Variants in DKK2 observed in about 807,000 individuals in gnomAD.
The protein encoded by DKK2 is dickkopf-related protein 2.
A neutral mutation model predicts 28.1 loss-of-function variants in DKK2; 11 were observed. The ratio of observed to expected loss-of-function variants is 0.39; its 90% confidence interval spans 0.25 to 0.65. DKK2 has a LOEUF of 0.65. Ranked by LOEUF, DKK2 falls within the 30% of genes least tolerant of loss-of-function variation. DKK2 has a pLI of 0.47. For missense variants in DKK2, 326 were observed against 335.5 expected (o/e 0.97, Z 0.22); for synonymous variants, 135 against 126.5 (o/e 1.07, Z -0.45).
chr4:106,927,930 A>C lies in DKK2; in HGVS notation c.223-1981T>G, dbSNP rs947491918. On this transcript the variant is annotated intron_variant, in intron 1 of 3. Coordinates refer to ENST00000285311, the MANE Select transcript of DKK2 (RefSeq NM_014421.3). ...AACATCATGTGCTATTTACAACTCA[A>C]ATAACAAGTCCTCAAGCCATTCTGA... 5.9e-5 allele frequency among the ~76,000 whole-genome samples: 9 copies of C among 152,272 alleles called. 1 individual carries two copies. Among genetic ancestry groups the C allele is most frequent in the Admixed American group, 5.9e-4 (9 of 15,284 alleles).
intron 1 of DKK2, among the ~76,000 whole-genome samples, chr4:107,003,761 C>T (rs1285361545): frequency 2.0e-5 from 3 of 152,156 alleles, no homozygotes; most frequent in Non-Finnish European, 4.4e-5. Context: ...CCGGGTCCAG[C>T]GTCATCACAT....
intron 1 of DKK2, among the ~76,000 whole-genome samples, chr4:107,008,622 A>G (rs1003104689): frequency 6.6e-6 from 1 of 152,034 alleles, no homozygotes; most frequent in Non-Finnish European, 1.5e-5. Context: ...TAAAGGGCAG[A>G]GACAATCAGA....
At chr4:106,957,818 G>T (rs1722619543) in intron 1 of DKK2, among the ~76,000 whole-genome samples, 2 of 148,506 alleles carry the variant, frequency 1.3e-5, no homozygotes, top group African/African-American at 5.0e-5. Flanking sequence ...ACGAGTTAAT[G>T]GGTGCAGCAC....
intron 1 of DKK2, among the ~76,000 whole-genome samples, chr4:106,996,004 T>C (rs945122385): frequency 4.6e-5 from 7 of 152,204 alleles, no homozygotes; most frequent in Admixed American, 2.0e-4. Flanking sequence ...ATTTGAATAT[T>C]TGTCTCAGAC....
chr4:106,923,223 C>A lies in DKK2; in HGVS notation c.*731G>T, dbSNP rs1173579197. The A allele has an allele frequency of 1.3e-5, 2 of 152,090 alleles. No homozygotes were observed. Among genetic ancestry groups the A allele is most frequent in the African/African-American group, 2.4e-5 (1 of 41,410 alleles). The allele number at this position is 152,090 out of a possible 1,614,324, so 9.4% of individuals were successfully genotyped here. ...TGTCATTCCGTAGAATCTGAAGGAA[C>A]TGTTTTTGTCTTGTATCAGTTCTTA... On this transcript the variant is annotated 3_prime_UTR_variant, in exon 4 of 4. Coordinates refer to ENST00000285311, the MANE Select transcript of DKK2 (RefSeq NM_014421.3).
At chr4:107,019,448 C>A (rs765191458) in intron 1 of DKK2, among the ~76,000 whole-genome samples, 2 of 151,906 alleles carry the variant, frequency 1.3e-5, no homozygotes, top group Non-Finnish European at 2.9e-5. Flanking sequence ...AACAGAAGCT[C>A]ACAGGGTTTA....
intron 1 of DKK2, among the ~76,000 whole-genome samples, chr4:106,984,728 GC>G (rs1380231966): frequency 6.6e-6 from 1 of 152,160 alleles, no homozygotes; most frequent in Non-Finnish European, 1.5e-5. Flanking sequence ...AGGGTCTGTA[GC>G]CACTTCATTC....
intron 1 of DKK2, among the ~76,000 whole-genome samples, chr4:106,999,371 C>T (rs184561781): frequency 7.9e-5 from 12 of 152,168 alleles, no homozygotes; most frequent in South Asian, 2.1e-4. Context: ...TTTTTTGAGA[C>T]GGAGTCTCTC....
chr4:106,978,440 A>G (rs889543018), intron 1 of DKK2, among the ~76,000 whole-genome samples: 2 of 152,128 alleles, frequency 1.3e-5, no homozygotes, highest in Non-Finnish European at 2.9e-5. Flanking sequence ...TGCCCTGCCC[A>G]GAGAGAAGGA....
At chr4:106,967,149 G>A (rs1295249512) in intron 1 of DKK2, among the ~76,000 whole-genome samples, 1 of 152,160 alleles carries the variant, frequency 6.6e-6, no homozygotes, top group Non-Finnish European at 1.5e-5. Flanking sequence ...CAGGCACCAT[G>A]TCAGGCACTG....
chr4:106,943,773 G>A (rs111576296), intron 1 of DKK2, among the ~76,000 whole-genome samples: 1,823 of 152,110 alleles, frequency 0.012, 21 homozygotes, highest in Middle Eastern at 0.034. Flanking sequence ...TCATTTCTAA[G>A]TGGCATACAT....
At chr4:106,940,304 G>A (rs1388536391) in intron 1 of DKK2, among the ~76,000 whole-genome samples, 1 of 152,162 alleles carries the variant, frequency 6.6e-6, no homozygotes, top group African/African-American at 2.4e-5. Flanking sequence ...CAAAGGACAT[G>A]AACAGACACG....
intron 1 of DKK2, among the ~76,000 whole-genome samples, chr4:107,004,390 A>C (rs1354961751): frequency 6.6e-6 from 1 of 152,236 alleles, no homozygotes; most frequent in Non-Finnish European, 1.5e-5. Context: ...AGGATTCACA[A>C]TAATGTCTTC....
chr4:106,945,777 T>C (rs1304094680), intron 1 of DKK2, among the ~76,000 whole-genome samples: 1 of 152,152 alleles, frequency 6.6e-6, no homozygotes, highest in Non-Finnish European at 1.5e-5. Flanking sequence ...ATGTTTTCTA[T>C]TGAGGACAAG....
chr4:106,964,041 C>G (rs1462732887), intron 1 of DKK2, among the ~76,000 whole-genome samples: 1 of 152,064 alleles, frequency 6.6e-6, no homozygotes, highest in Non-Finnish European at 1.5e-5. Context: ...TGTTTTTATG[C>G]CAGCACCATG....
At chr4:107,011,075 A>G (rs1418546890) in intron 1 of DKK2, among the ~76,000 whole-genome samples, 1 of 151,406 alleles carries the variant, frequency 6.6e-6, no homozygotes, top group Non-Finnish European at 1.5e-5. Context: ...CTGGCTTCAC[A>G]CAGATATGTA....
intron 1 of DKK2, among the ~76,000 whole-genome samples, chr4:106,971,360 T>C (rs933142169): frequency 5.3e-5 from 8 of 152,084 alleles, no homozygotes; most frequent in Non-Finnish European, 1.2e-4. Context: ...TCAATGTATT[T>C]CAAAACTAAT....
chr4:107,029,579 A>C (rs1353502615), intron 1 of DKK2, among the ~76,000 whole-genome samples: 1 of 152,162 alleles, frequency 6.6e-6, no homozygotes, highest in Non-Finnish European at 1.5e-5. Flanking sequence ...AAGCTAGTTT[A>C]AGGAAATAAT....
At chr4:106,939,022 A>C (rs990870224) in intron 1 of DKK2, among the ~76,000 whole-genome samples, 1 of 152,070 alleles carries the variant, frequency 6.6e-6, no homozygotes, top group African/African-American at 2.4e-5. Flanking sequence ...ATGGGCAAAA[A>C]CTGGAAGCAT....
Sources: allele counts gnomAD v4.1 joint callset (sites outside exome capture counted in the v4.1 genomes callset), GRCh38; gene constraint gnomAD v4.1.1; transcripts MANE v1.5; gene names NCBI Gene and HGNC (gene_info 2026-07-23, HGNC 2026-07-21).